The following SPRED2 variants were observed in gnomAD, a reference collection of about 807,000 sequenced individuals.
SPRED2 encodes sprouty-related, EVH1 domain-containing protein 2.
SPRED2 carries 47 observed loss-of-function variants against 43.0 expected under a neutral mutation model. The ratio of observed to expected loss-of-function variants is 1.09; its 90% CI spans 0.87 to 1.40. The LOEUF is 1.40. SPRED2 is among the 40% of genes most tolerant of loss of function. SPRED2 has a pLI of 0.00. For missense variants in SPRED2, 561 were observed against 586.4 expected, an observed-to-expected ratio of 0.96 and a Z score of 0.45; for synonymous variants, 225 against 225.7, an observed-to-expected ratio of 1.00 and a Z score of 0.03.
chr2:65,361,800 A>G (rs992587383), intron 1 of SPRED2, among the ~76,000 whole-genome samples: 2 of 152,220 alleles, frequency 1.3e-5, no homozygotes, highest in African/African-American at 4.8e-5. Context: ...GCCCACCCAC[A>G]GACACTAATT....
In SPRED2 at chr2:65,312,491, C is replaced by A; in HGVS notation, c.*1010G>T. On this transcript the variant is annotated 3_prime_UTR_variant, in exon 6 of 6. Coordinates refer to ENST00000356388, the MANE Select transcript of SPRED2 (RefSeq NM_181784.3). ...CTCCCTATGGTTTTATTCACCATAA[C>A]CTTAGTGTTTCTCAACTGGAACTTG... The A allele has an allele frequency of 1.0e-6, 1 of 985,388 alleles. No individual in the cohort carries two copies. The highest frequency in any genetic ancestry group is 1.2e-6 in the Non-Finnish European group (1 of 829,906). 61.0% of individuals were successfully genotyped at this position (985,388 alleles called of 1,614,324 possible). A position where few individuals can be genotyped will look rare whatever the true frequency, so the allele number is the denominator to read the frequency against.
At chr2:65,401,968 CACACACCT>C (rs1675911195) in intron 1 of SPRED2, among the ~76,000 whole-genome samples, 1 of 151,120 alleles carries the variant, frequency 6.6e-6, no homozygotes, top group Non-Finnish European at 1.5e-5. Context: ...CACACACACA[CACACACCT>C]GTTAATTTGT....
At chr2:65,350,851 C>T (rs1279210277) in intron 1 of SPRED2, among the ~76,000 whole-genome samples, 1 of 152,250 alleles carries the variant, frequency 6.6e-6, no homozygotes, top group Non-Finnish European at 1.5e-5. Context: ...CGAGGCAGCA[C>T]TGGGTCTCAC....
chr2:65,348,892 G>A (rs917996852), intron 1 of SPRED2, among the ~76,000 whole-genome samples: 6 of 151,992 alleles, frequency 3.9e-5, no homozygotes, highest in African/African-American at 1.2e-4. Context: ...TGGGATCACA[G>A]TACTTTCTAT....
At chr2:65,409,944 C>A (rs1281682589) in intron 1 of SPRED2, among the ~76,000 whole-genome samples, 8 of 150,112 alleles carry the variant, frequency 5.3e-5, no homozygotes, top group Middle Eastern at 3.4e-3. Context: ...GCAGGAGAAT[C>A]GCTTGAACCA....
chr2:65,429,845 G>C (rs1676638008), intron 1 of SPRED2, among the ~76,000 whole-genome samples: 1 of 152,228 alleles, frequency 6.6e-6, no homozygotes, highest in Non-Finnish European at 1.5e-5. Flanking sequence ...CGTGACAGCA[G>C]TGGAGGCTAC....
At chr2:65,424,422 CCTA>C (rs1244818136) in intron 1 of SPRED2, among the ~76,000 whole-genome samples, 1 of 151,968 alleles carries the variant, frequency 6.6e-6, no homozygotes, top group Non-Finnish European at 1.5e-5. Flanking sequence ...TTACAGAAAG[CCTA>C]CTATGTGCTC....
intron 1 of SPRED2, among the ~76,000 whole-genome samples, chr2:65,401,937 G>GCGCGCGCGCGCGCGCACACA (rs776512353): frequency 1.7e-5 from 2 of 114,712 alleles, no homozygotes; most frequent in African/African-American, 6.8e-5. Flanking sequence ...GCGCGCGCGC[G>GCGCGCGCGCGCGCGCACACA]CACACACACA....
intron 1 of SPRED2, among the ~76,000 whole-genome samples, chr2:65,409,346 A>C (rs1402609563): frequency 6.6e-6 from 1 of 152,244 alleles, no homozygotes; most frequent in East Asian, 1.9e-4. Context: ...GAAATACTTC[A>C]TTAGCAATTT....
At chr2:65,381,192 C>T (rs569112331) in intron 1 of SPRED2, among the ~76,000 whole-genome samples, 2 of 152,338 alleles carry the variant, frequency 1.3e-5, no homozygotes, top group East Asian at 3.9e-4. Context: ...GCGCTCAGTG[C>T]TCCTCAACTC....
intron 1 of SPRED2, among the ~76,000 whole-genome samples, chr2:65,396,291 A>C (rs1675755240): frequency 6.6e-6 from 1 of 152,192 alleles, no homozygotes; most frequent in Admixed American, 6.5e-5. Flanking sequence ...TTCAAGGCTC[A>C]ACTCAAATGT....
chr2:65,406,397 T>C (rs1282232738), intron 1 of SPRED2, among the ~76,000 whole-genome samples: 2 of 151,986 alleles, frequency 1.3e-5, no homozygotes, highest in African/African-American at 4.8e-5. Flanking sequence ...CACCAACCCT[T>C]CCCCCCAAAT....
In SPRED2 at chr2:65,313,447, A is replaced by T; in HGVS notation, c.*54T>A. 1 of 1,553,144 alleles carries T rather than the reference A, an allele frequency of 6.4e-7. No homozygotes were observed. The highest frequency in any genetic ancestry group is 8.7e-7 in the Non-Finnish European group (1 of 1,152,554). Reference sequence around the variant, plus strand: ...AGCGGGGGAGAAGATGAGAGTATGTAAGAGACGAGTTCCCCTGTGGCTGCG... The same window carrying T: ...AGCGGGGGAGAAGATGAGAGTATGTTAGAGACGAGTTCCCCTGTGGCTGCG... On this transcript the variant is annotated 3_prime_UTR_variant, in exon 6 of 6. Coordinates refer to ENST00000356388, the MANE Select transcript of SPRED2 (RefSeq NM_181784.3).
At chr2:65,334,465 CA>C in intron 3 of SPRED2, 139 bp downstream of exon 3, 1 of 955,706 alleles carries the variant, frequency 1.0e-6, no homozygotes, top group Non-Finnish European at 1.6e-6. Context: ...TTGGAAATTC[CA>C]AAAGTTTTGG....
chr2:65,308,768 C>T (rs1049235025), downstream of SPRED2, among the ~76,000 whole-genome samples: 1 of 152,256 alleles, frequency 6.6e-6, no homozygotes, highest in African/African-American at 2.4e-5. Flanking sequence ...GGCAGAAAGG[C>T]TGTCCAGTGA....
downstream of SPRED2, among the ~76,000 whole-genome samples, chr2:65,309,289 C>T (rs1673007796): frequency 1.3e-5 from 2 of 151,576 alleles, no homozygotes; most frequent in African/African-American, 2.4e-5. Flanking sequence ...ATCTCTTGAG[C>T]CCAGGAGGTC....
At chr2:65,314,633 C>G (rs940036795) in intron 5 of SPRED2, among the ~76,000 whole-genome samples, 10 of 152,158 alleles carry the variant, frequency 6.6e-5, no homozygotes, top group African/African-American at 2.4e-4. Context: ...TTAGTTTTGC[C>G]TATTTTTGTA....
At chr2:65,392,283 G>A (rs1026682821) in intron 1 of SPRED2, among the ~76,000 whole-genome samples, 2 of 149,730 alleles carry the variant, frequency 1.3e-5, no homozygotes, top group Admixed American at 1.3e-4. Context: ...GGGCTCAAGC[G>A]ATCCTCCCAC....
rs542823775 is a variant in SPRED2, at chr2:65,431,966, C to G, written c.22G>C (p.Asp8His). 5.5e-5 allele frequency: 89 copies of G among 1,613,868 alleles called. No individual in the cohort carries two copies. Among genetic ancestry groups the G allele is most frequent in the Middle Eastern group, 1.6e-4 (1 of 6,084 alleles). ...CCACCCCGCGACCAAACTTACTCGT[C>G]TGGGTGTGTTTCTTCGGTCATTTTC... MTEETHP[D>H]DDSYIVRVKA... The change falls in exon 1 of 6, where the codon GAC (aspartate) becomes CAC (histidine). Residue 8 changes from aspartate (D) to histidine (H), a missense_variant. This residue lies in a region of SPRED2 where 305 missense variants were observed against 282.4 expected (regional missense o/e 1.08). Coordinates refer to ENST00000356388, the MANE Select transcript of SPRED2 (RefSeq NM_181784.3).
Sources: gnomAD v4.1 joint callset for allele counts (sites outside exome capture counted in the v4.1 genomes callset) on GRCh38, gnomAD v4.1.1 for gene constraint, gnomAD v4.1.1 regional missense constraint, MANE v1.5 for transcripts, NCBI Gene and HGNC (gene_info 2026-07-23, HGNC 2026-07-21) for gene names.